PTPRD: variants seen among roughly 807,000 people sequenced by gnomAD.
PTPRD encodes the protein receptor-type tyrosine-protein phosphatase delta.
A neutral mutation model predicts 214.5 loss-of-function variants in PTPRD; 34 were observed. That is an observed-to-expected ratio of 0.16 (90% CI 0.12 to 0.21). PTPRD has a LOEUF of 0.21. Ranked by LOEUF, PTPRD falls within the 10% of genes least tolerant of loss-of-function variation. PTPRD has a pLI of 1.00. For synonymous variants in PTPRD, 1,128 were observed against 845.7 expected, an observed-to-expected ratio of 1.33 and a Z score of -5.79; for missense variants, 2,545 against 2,398.7, an observed-to-expected ratio of 1.06 and a Z score of -1.27.
intron 11 of PTPRD, among the ~76,000 whole-genome samples, chr9:8,805,584 A>AATTTT (rs2096659884): frequency 6.6e-6 from 1 of 151,478 alleles, no homozygotes; most frequent in African/African-American, 2.4e-5. Context: ...TACAGCTTAC[A>AATTTT]ATTTTTATTT....
chr9:10,440,076 C>A (rs2098748749), intron 2 of PTPRD, among the ~76,000 whole-genome samples: 1 of 151,078 alleles, frequency 6.6e-6, no homozygotes, highest in South Asian at 2.1e-4. Context: ...AGTTAAATAT[C>A]CTAATTAAGC....
At chr9:10,046,002 A>G (rs920490981) in intron 3 of PTPRD, among the ~76,000 whole-genome samples, 5 of 151,820 alleles carry the variant, frequency 3.3e-5, no homozygotes, top group Admixed American at 6.6e-5. Context: ...GAAAGATGGC[A>G]TTTTTAATAC....
chr9:10,009,510 C>G (rs77424415), intron 4 of PTPRD, among the ~76,000 whole-genome samples: 4,044 of 151,920 alleles, frequency 0.027, 69 homozygotes, highest in Middle Eastern at 0.092. Flanking sequence ...CACCTAGAAG[C>G]AATAGAAAGG....
At chr9:10,233,229 G>T (rs1024915038) in intron 3 of PTPRD, among the ~76,000 whole-genome samples, 1 of 152,034 alleles carries the variant, frequency 6.6e-6, no homozygotes, top group Non-Finnish European at 1.5e-5. Context: ...TAGTGACTAA[G>T]GTCTAAGAAG....
chr9:9,534,253 G>A (rs1336573710), intron 8 of PTPRD, among the ~76,000 whole-genome samples: 1 of 152,030 alleles, frequency 6.6e-6, no homozygotes, highest in Non-Finnish European at 1.5e-5. Context: ...CTTATGATCT[G>A]TTTGACATTT....
chr9:9,206,836 T>C (rs1247449642), intron 9 of PTPRD, among the ~76,000 whole-genome samples: 3 of 152,154 alleles, frequency 2.0e-5, no homozygotes, highest in Non-Finnish European at 1.5e-5. Context: ...CAGACTGGCA[T>C]CCTTTCTCTT....
At chr9:8,386,565 C>T (rs1330588953) in intron 37 of PTPRD, among the ~76,000 whole-genome samples, 1 of 152,172 alleles carries the variant, frequency 6.6e-6, no homozygotes, top group East Asian at 1.9e-4. Context: ...ATGAGGAAGA[C>T]TGGTGCCACT....
At chr9:9,284,694 A>G (rs1948807352) in intron 9 of PTPRD, among the ~76,000 whole-genome samples, 1 of 151,784 alleles carries the variant, frequency 6.6e-6, no homozygotes. Flanking sequence ...ACTGAAAATG[A>G]AGACAGCCTT....
At chr9:9,520,466 G>A (rs2096941796) in intron 8 of PTPRD, among the ~76,000 whole-genome samples, 1 of 151,960 alleles carries the variant, frequency 6.6e-6, no homozygotes, top group Admixed American at 6.6e-5. Flanking sequence ...GGGAGACGGA[G>A]CATTTAATTT....
intron 12 of PTPRD, among the ~76,000 whole-genome samples, chr9:8,675,128 G>A (rs9886766): frequency 0.061 from 9,308 of 152,072 alleles, 917 homozygotes; most frequent in African/African-American, 0.2. Context: ...GGACATATGG[G>A]AAGCCTCATG....
intron 10 of PTPRD, among the ~76,000 whole-genome samples, chr9:9,153,558 G>A (rs1372524250): frequency 6.6e-6 from 1 of 152,156 alleles, no homozygotes; most frequent in Non-Finnish European, 1.5e-5. Context: ...TGTCAATTTT[G>A]TCAGTTATGT....
At chr9:9,251,047 G>C (rs1169746394) in intron 9 of PTPRD, among the ~76,000 whole-genome samples, 3 of 151,944 alleles carry the variant, frequency 2.0e-5, no homozygotes, top group Non-Finnish European at 2.9e-5. Context: ...GCACACCTCT[G>C]ATATCCTATT....
intron 11 of PTPRD, among the ~76,000 whole-genome samples, chr9:8,911,007 A>C (rs1180544664): frequency 6.6e-6 from 1 of 152,240 alleles, no homozygotes; most frequent in African/African-American, 2.4e-5. Context: ...TATTATTAAA[A>C]TGGTCATTCT....
At chr9:9,851,522 G>A (rs1465712250) in intron 5 of PTPRD, among the ~76,000 whole-genome samples, 1 of 152,180 alleles carries the variant, frequency 6.6e-6, no homozygotes, top group Non-Finnish European at 1.5e-5. Flanking sequence ...GCAACTATCT[G>A]CATGATAATA....
chr9:8,427,204 G>A (rs1032263020), intron 35 of PTPRD, among the ~76,000 whole-genome samples: 1 of 152,168 alleles, frequency 6.6e-6, no homozygotes. Flanking sequence ...AATCTGAGAG[G>A]TCTGCATTAA....
At chr9:10,412,751 G>T (rs2098450128) in intron 2 of PTPRD, among the ~76,000 whole-genome samples, 1 of 151,532 alleles carries the variant, frequency 6.6e-6, no homozygotes, top group Non-Finnish European at 1.5e-5. Context: ...ACATCAAAAA[G>T]CTTATCCACA....
chr9:9,870,158 T>C (rs966503439), intron 5 of PTPRD, among the ~76,000 whole-genome samples: 4 of 151,996 alleles, frequency 2.6e-5, no homozygotes, highest in African/African-American at 9.7e-5. Flanking sequence ...GGTAAAATCA[T>C]TGAAGATGGG....
chr9:10,585,117 T>A (rs2073466978), intron 2 of PTPRD, among the ~76,000 whole-genome samples: 1 of 152,160 alleles, frequency 6.6e-6, no homozygotes, highest in Non-Finnish European at 1.5e-5. Context: ...TGATATTTAG[T>A]AATATTAAAT....
intron 5 of PTPRD, among the ~76,000 whole-genome samples, chr9:9,781,039 C>T (rs9695314): frequency 0.016 from 2,377 of 152,010 alleles, 61 homozygotes; most frequent in African/African-American, 0.053. Flanking sequence ...GGGTGGAGAC[C>T]GAGGAACAAA....
Sources: gnomAD v4.1 joint callset for allele counts (sites outside exome capture counted in the v4.1 genomes callset) on GRCh38, gnomAD v4.1.1 for gene constraint, MANE v1.5 for transcripts, NCBI Gene and HGNC (gene_info 2026-07-23, HGNC 2026-07-21) for gene names.